Variants in PRKG1 observed in about 807,000 individuals in gnomAD.
PRKG1 encodes protein kinase cGMP-dependent 1.
A neutral mutation model predicts 88.1 loss-of-function variants in PRKG1; 35 were observed. The ratio of observed to expected loss-of-function variants is 0.40; its 90% CI spans 0.30 to 0.53. PRKG1 has a LOEUF of 0.53. Ranked by LOEUF, PRKG1 falls within the 20% of genes least tolerant of loss-of-function variation. The pLI, the probability that PRKG1 is intolerant of heterozygous loss-of-function variation, is 0.59. For synonymous variants in PRKG1, 303 were observed against 292.5 expected (o/e 1.04, Z -0.37); for missense variants, 540 against 839.8 (o/e 0.64, Z 4.41).
rs544627935 is a variant in PRKG1 at position 51,302,639 on chromosome 10, T to C, written c.478+149309T>C. On this transcript the variant is annotated intron_variant, in intron 2 of 17. Transcript: ENST00000373980. ...TACTAAATATGGGGGTTTGAAGATATTGTCTTTAGCTGGGAAAAGCTTCCA... is the reference window on the plus strand; with the variant it reads ...TACTAAATATGGGGGTTTGAAGATACTGTCTTTAGCTGGGAAAAGCTTCCA... The C allele has an allele frequency of 1.9e-3, 295 of 152,128 alleles. 1 individual carries two copies. The highest frequency in any genetic ancestry group is 6.9e-3 in the African/African-American group (285 of 41,492). The allele number at this position is 152,128 out of a possible 1,614,324, so 9.4% of individuals were successfully genotyped here. A position where few individuals can be genotyped will look rare whatever the true frequency, so the allele number is the denominator to read the frequency against.
intron 5 of PRKG1, among the ~76,000 whole-genome samples, chr10:52,010,040 T>A (rs1431888857): frequency 6.6e-6 from 1 of 152,114 alleles, no homozygotes; most frequent in Non-Finnish European, 1.5e-5. Flanking sequence ...GATTAAAAAG[T>A]TAAATGTAAA....
At chr10:52,022,905 C>T (rs74778748) in intron 5 of PRKG1, among the ~76,000 whole-genome samples, 13,141 of 151,888 alleles carry the variant, frequency 0.087, 791 homozygotes, top group Non-Finnish European at 0.13. Context: ...AACTTTTGGT[C>T]GTAATAGGTG....
At chr10:51,323,918 C>A (rs1841516741) in intron 2 of PRKG1, among the ~76,000 whole-genome samples, 1 of 152,160 alleles carries the variant, frequency 6.6e-6, no homozygotes, top group Non-Finnish European at 1.5e-5. Flanking sequence ...CATCGCTGAA[C>A]TCCAGTCTGG....
intron 3 of PRKG1, among the ~76,000 whole-genome samples, chr10:51,719,872 G>T (rs1841971138): frequency 6.6e-6 from 1 of 152,196 alleles, no homozygotes; most frequent in Admixed American, 6.5e-5. Context: ...TGATTAAACT[G>T]AGTTTGAGGT....
At chr10:51,559,212 G>A (rs1474210469) in intron 3 of PRKG1, among the ~76,000 whole-genome samples, 2 of 151,992 alleles carry the variant, frequency 1.3e-5, no homozygotes, top group Non-Finnish European at 2.9e-5. Context: ...AAAACAGTAA[G>A]AATTGGAAAG....
At chr10:52,178,107 T>C (rs1244357176) in intron 9 of PRKG1, among the ~76,000 whole-genome samples, 2 of 152,006 alleles carry the variant, frequency 1.3e-5, no homozygotes, top group African/African-American at 4.8e-5. Flanking sequence ...TTGAAATATT[T>C]CTAGTTTTTT....
intron 1 of PRKG1, among the ~76,000 whole-genome samples, chr10:51,138,752 G>A (rs1215510467): frequency 2.4e-5 from 3 of 126,284 alleles, no homozygotes; most frequent in Non-Finnish European, 3.1e-5. Flanking sequence ...GCATGATCTC[G>A]GCTCACTGCA....
chr10:51,763,468 G>A (rs1838075369), intron 3 of PRKG1, among the ~76,000 whole-genome samples: 1 of 151,844 alleles, frequency 6.6e-6, no homozygotes, highest in Non-Finnish European at 1.5e-5. Context: ...GTCTAAGCTG[G>A]TCTTGAACTC....
In PRKG1 at chr10:51,429,428, A is replaced by G. The variant is rs561232726; in HGVS notation, c.479-38295A>G. On this transcript the variant is annotated intron_variant, in intron 2 of 17. Transcript: ENST00000373980. ...AAAGGGTCCAGTTTTCACTAAAACAAAATTCATGAGACACATAAAGAAAGA... is the reference window on the plus strand; with the variant it reads ...AAAGGGTCCAGTTTTCACTAAAACAGAATTCATGAGACACATAAAGAAAGA... Among the ~76,000 whole-genome samples, 15 of 152,262 alleles carry G rather than the reference A, an allele frequency of 9.9e-5. No individual in the cohort carries two copies. The South Asian group carries it at 2.1e-3, about 21-fold the overall frequency.
chr10:51,144,719 C>A (rs779059381), intron 1 of PRKG1, among the ~76,000 whole-genome samples: 2 of 152,176 alleles, frequency 1.3e-5, no homozygotes, highest in African/African-American at 4.8e-5. Flanking sequence ...TAAAGCCTTA[C>A]GCAAAACAAT....
intron 7 of PRKG1, among the ~76,000 whole-genome samples, chr10:52,129,536 G>A (rs1837198841): frequency 6.6e-6 from 1 of 152,244 alleles, no homozygotes. Flanking sequence ...GGCTTTGAGT[G>A]CACAAGAACA....
intron 1 of PRKG1, among the ~76,000 whole-genome samples, chr10:51,118,385 A>G (rs1845179472): frequency 1.3e-5 from 2 of 152,208 alleles, no homozygotes; most frequent in African/African-American, 4.8e-5. Context: ...GTAAATTAAT[A>G]TCTGCTCTTT....
At chr10:52,007,564 C>T (rs975518130) in intron 5 of PRKG1, among the ~76,000 whole-genome samples, 11 of 122,394 alleles carry the variant, frequency 9.0e-5, no homozygotes, top group African/African-American at 3.2e-4. Flanking sequence ...CTGAATTCAA[C>T]AAGAAGACCT....
intron 4 of PRKG1, among the ~76,000 whole-genome samples, chr10:51,904,201 C>T (rs1842038529): frequency 6.6e-6 from 1 of 152,104 alleles, no homozygotes; most frequent in South Asian, 2.1e-4. Flanking sequence ...GTAAGAATTA[C>T]TCATAATTAG....
intron 3 of PRKG1, among the ~76,000 whole-genome samples, chr10:51,636,072 CTT>C (rs1839648368): frequency 6.6e-6 from 1 of 152,082 alleles, no homozygotes; most frequent in African/African-American, 2.4e-5. Flanking sequence ...AAATGGGAAA[CTT>C]CTGTTAGGTG....
chr10:51,924,896 T>G (rs2132987945), intron 5 of PRKG1, among the ~76,000 whole-genome samples: 1 of 151,980 alleles, frequency 6.6e-6, no homozygotes, highest in African/African-American at 2.4e-5. Context: ...TTTGATTCTT[T>G]CCTAGAGTTT....
At chr10:51,294,005 A>G (rs1273290965) in intron 2 of PRKG1, among the ~76,000 whole-genome samples, 1 of 152,062 alleles carries the variant, frequency 6.6e-6, no homozygotes, top group Admixed American at 6.6e-5. Flanking sequence ...TGGCTGTTGG[A>G]CATTTTTATG....
intron 8 of PRKG1, among the ~76,000 whole-genome samples, chr10:52,160,374 A>G (rs1159546993): frequency 6.6e-6 from 1 of 152,030 alleles, no homozygotes; most frequent in Non-Finnish European, 1.5e-5. Flanking sequence ...TGTCTATTTA[A>G]CAATCATTTC....
rs575726415 is a variant in PRKG1, at chr10:51,491,549, C to T, written c.592+23713C>T. ...GGGAAAGTCAGTGACTTATTCAAGG[C>T]GTTAAAAATGGTTCAGAGCATGACT... On this transcript the variant is annotated intron_variant, in intron 3 of 17. Transcript: ENST00000373980. 4.0e-4 allele frequency among the ~76,000 whole-genome samples: 61 copies of T among 152,148 alleles called. No individual in the cohort carries two copies. In the South Asian group the frequency reaches 4.1e-3, roughly 10 times the overall value.
Sources: allele counts gnomAD v4.1 joint callset (sites outside exome capture counted in the v4.1 genomes callset), GRCh38; gene constraint gnomAD v4.1.1; transcripts MANE v1.5; gene names NCBI Gene and HGNC (gene_info 2026-07-23, HGNC 2026-07-21).